TSGA10: variants seen among roughly 807,000 people sequenced by gnomAD.
TSGA10 encodes testis-specific gene 10 protein.
Under a neutral mutation model 96.6 loss-of-function variants are expected in TSGA10, and 43 were observed. The ratio of observed to expected loss-of-function variants is 0.44; its 90% confidence interval spans 0.35 to 0.57. TSGA10 has a LOEUF of 0.57. Among genes scored for constraint, TSGA10 ranks in the 20% least tolerant of loss-of-function variants. The pLI is 0.01. For synonymous variants in TSGA10, 229 were observed against 269.9 expected (o/e 0.85, Z 1.48); for missense variants, 703 against 834.4 (o/e 0.84, Z 1.94).
intron 12 of TSGA10, 64 bp downstream of exon 12, chr2:99,078,595 C>G: frequency 6.8e-7 from 1 of 1,461,470 alleles, no homozygotes; most frequent in Non-Finnish European, 9.3e-7. Context: ...TTCTTTTAAA[C>G]CATAGTTTAA....
chr2:99,060,843 A>T (rs915034748), intron 16 of TSGA10, among the ~76,000 whole-genome samples: 1 of 152,174 alleles, frequency 6.6e-6, no homozygotes, highest in African/African-American at 2.4e-5. Flanking sequence ...AGTCTTTTCA[A>T]TAAGTGGTGC....
Position 99,065,077 on chromosome 2 carries a change from T to G in TSGA10, c.1266A>C (p.Glu422Asp), listed in dbSNP as rs2104464724. 3.1e-6 allele frequency: 5 copies of G among 1,613,680 alleles called. No individual in the cohort carries two copies. Among genetic ancestry groups the G allele is most frequent in the Non-Finnish European group, 3.4e-6 (4 of 1,179,854 alleles). The change falls in exon 16 of 21, where the codon GAA becomes GAC. Residue 422 changes from glutamate (E) to aspartate (D), a missense_variant. Coordinates refer to ENST00000393483, the MANE Select transcript of TSGA10 (RefSeq NM_025244.4). ...QMMEQLRKAN[E>D]DAENWENKAR... ...CTTTATTTTCCCAGTTTTCAGCATC[T>G]TCATTGGCTTTTCGAAGTTGTTCCA...
At chr2:99,081,111 C>T (rs1248394107) in intron 11 of TSGA10, among the ~76,000 whole-genome samples, 171 bp downstream of exon 11, 1 of 152,022 alleles carries the variant, frequency 6.6e-6, no homozygotes, top group African/African-American at 2.4e-5. Context: ...GGTGCTAAAT[C>T]TAAAAAATTT....
intron 1 of TSGA10, among the ~76,000 whole-genome samples, chr2:99,134,682 C>G (rs1437556740): frequency 6.6e-6 from 1 of 152,070 alleles, no homozygotes; most frequent in African/African-American, 2.4e-5. Context: ...AAATTTTCAG[C>G]CTTTTTGTGC....
At chr2:99,134,125 T>C (rs1243290986) in intron 1 of TSGA10, among the ~76,000 whole-genome samples, 1 of 152,232 alleles carries the variant, frequency 6.6e-6, no homozygotes, top group East Asian at 1.9e-4. Flanking sequence ...ATTGGAATGT[T>C]GGCCTGCCTT....
chr2:99,125,273 A>T (rs1251434294), intron 2 of TSGA10: 1 of 152,186 alleles, frequency 6.6e-6, no homozygotes, highest in Non-Finnish European at 1.5e-5. Context: ...CCATTCATCT[A>T]TTGAAAGATA....
intron 1 of TSGA10, among the ~76,000 whole-genome samples, chr2:99,139,712 T>C (rs751870545): frequency 1.3e-4 from 20 of 151,952 alleles, no homozygotes; most frequent in Non-Finnish European, 2.2e-4. Context: ...AGATTAATCT[T>C]AAAAAAAATG....
chr2:99,126,785 G>T (rs2092850463), intron 2 of TSGA10: 1 of 179,656 alleles, frequency 5.6e-6, no homozygotes, highest in Non-Finnish European at 1.2e-5. Context: ...AAATGGAAAC[G>T]GCATCACTTT....
intron 1 of TSGA10, among the ~76,000 whole-genome samples, chr2:99,153,526 G>A (rs1391646260): frequency 2.0e-5 from 3 of 152,084 alleles, no homozygotes; most frequent in Non-Finnish European, 2.9e-5. Context: ...GCAGGGAGGA[G>A]GGAATGGGAT....
At chr2:99,086,991 T>TCA (rs1197770213) in intron 10 of TSGA10, among the ~76,000 whole-genome samples, 1 of 150,434 alleles carries the variant, frequency 6.6e-6, no homozygotes, top group Non-Finnish European at 1.5e-5. Flanking sequence ...AATCACGAGG[T>TCA]CAGGAGATTG....
At chr2:99,105,250 C>T in intron 9 of TSGA10, 109 bp downstream of exon 9, 1 of 909,214 alleles carries the variant, frequency 1.1e-6, no homozygotes. Flanking sequence ...GGACTATAAA[C>T]ACTATCTTAG....
chr2:99,126,964 A>T lies in TSGA10; in HGVS notation c.-492+84T>A, dbSNP rs1417066065. The T allele has an allele frequency of 7.0e-6, 8 of 1,139,580 alleles. No individual in the cohort carries two copies. In the East Asian group the frequency reaches 4.1e-4, roughly 58 times the overall value. 70.6% of individuals were successfully genotyped at this position (1,139,580 alleles called of 1,614,324 possible). A position where few individuals can be genotyped will look rare whatever the true frequency, so the allele number is the denominator to read the frequency against. ...ACATTTAAATGAGCTCTGAATTAGTAGTTATTTATTCTCTATCTTCTTGTT... is the reference window on the plus strand; with the variant it reads ...ACATTTAAATGAGCTCTGAATTAGTTGTTATTTATTCTCTATCTTCTTGTT... On this transcript the variant is annotated intron_variant, in intron 2 of 20. Transcript: ENST00000393483.
chr2:99,039,812 A>G (rs2082023165), intron 16 of TSGA10, among the ~76,000 whole-genome samples: 1 of 152,106 alleles, frequency 6.6e-6, no homozygotes, highest in Non-Finnish European at 1.5e-5. Context: ...GAAAGGACAT[A>G]ACAAAAAAAG....
intron 12 of TSGA10, among the ~76,000 whole-genome samples, chr2:99,077,342 T>C (rs2086835185): frequency 6.6e-6 from 1 of 151,882 alleles, no homozygotes; most frequent in Non-Finnish European, 1.5e-5. Context: ...CTGGTACATG[T>C]CAACAAATGT....
intron 16 of TSGA10, among the ~76,000 whole-genome samples, chr2:99,045,014 G>A (rs1037204198): frequency 3.3e-5 from 5 of 152,120 alleles, no homozygotes; most frequent in African/African-American, 7.2e-5. Flanking sequence ...CAGAATCTCT[G>A]GGACACATTT....
chr2:99,018,249 G>C lies in TSGA10; in HGVS notation c.2023C>G (p.Arg675Gly), dbSNP rs147188349. 60 of 1,613,968 alleles carry C rather than the reference G, an allele frequency of 3.7e-5. No homozygotes were observed. The Middle Eastern group carries it at 6.6e-4, about 18-fold the overall frequency. ...KPNTKCHSPE[R>G]AHHRSPDRGL... is the part of the protein sequence containing the mutation. The stretch of plus-strand genomic sequence containing the variant: ...CGGTCAGGAGATCGATGGTGAGCAC[G>C]TTCTGGTGAATGACATTTTGTATTT... The change falls in exon 20 of 21, where the codon CGT (arginine) becomes GGT (glycine). Residue 675 changes from arginine to glycine, a missense_variant. Physicochemically the swap from Arg to Gly is moderately radical, Grantham distance 125. Around this residue, in one of 3 missense-constraint regions of TSGA10, gnomAD observed 69 missense variants for 81.3 expected, o/e 0.85. Coordinates refer to ENST00000393483, the MANE Select transcript of TSGA10 (RefSeq NM_025244.4).
At chr2:99,132,785 C>T (rs1574643820) in intron 1 of TSGA10, among the ~76,000 whole-genome samples, 1 of 152,294 alleles carries the variant, frequency 6.6e-6, no homozygotes, top group East Asian at 1.9e-4. Context: ...TTAGCTGTGT[C>T]CCAGAGATTC....
chr2:99,060,493 C>A (rs1212263350), intron 16 of TSGA10, among the ~76,000 whole-genome samples: 1 of 152,102 alleles, frequency 6.6e-6, no homozygotes, highest in Non-Finnish European at 1.5e-5. Flanking sequence ...TTGGAAGACT[C>A]AATATTGTTA....
At position 99,152,049 on chromosome 2, in the gene TSGA10, C is replaced by T. The variant is rs530437890; in HGVS notation, c.-621+2644G>A. ...ACAATGCTTTTTATTATTTACAGAACGTAATTCTTTAGAAGAGAAAAAAAA... is the reference window on the plus strand; with the variant it reads ...ACAATGCTTTTTATTATTTACAGAATGTAATTCTTTAGAAGAGAAAAAAAA... On this transcript the variant is annotated intron_variant, in intron 1 of 20. Transcript: ENST00000393483. 9.2e-5 allele frequency among the ~76,000 whole-genome samples: 14 copies of T among 152,114 alleles called. No individual in the cohort carries two copies. In the South Asian group the frequency reaches 2.1e-3, roughly 23 times the overall value.
Sources: allele counts gnomAD v4.1 joint callset (sites outside exome capture counted in the v4.1 genomes callset), GRCh38; gene constraint gnomAD v4.1.1; regional missense constraint gnomAD v4.1.1; transcripts MANE v1.5; gene names NCBI Gene and HGNC (gene_info 2026-07-23, HGNC 2026-07-21).